CNTNAP5: variants seen among roughly 807,000 people sequenced by gnomAD.
The protein encoded by CNTNAP5 is contactin associated protein family member 5.
CNTNAP5 carries 72 observed loss-of-function variants against 150.2 expected under a neutral mutation model. The observed-to-expected ratio is 0.48, with a 90% CI of 0.40 to 0.58. The LOEUF (loss-of-function observed/expected upper bound fraction) is 0.58. Among genes scored for constraint, CNTNAP5 ranks in the 20% least tolerant of loss-of-function variants. The probability of loss-of-function intolerance (pLI) is 0.00; values close to 1 mark genes in which losing one functional copy is unlikely to be tolerated. For missense variants in CNTNAP5, 1,636 were observed against 1,626.2 expected (o/e 1.01, Z -0.10); for synonymous variants, 672 against 619.8 (o/e 1.08, Z -1.25).
intron 12 of CNTNAP5, among the ~76,000 whole-genome samples, chr2:124,617,702 C>T (rs1449251451): frequency 6.6e-6 from 1 of 152,086 alleles, no homozygotes; most frequent in Non-Finnish European, 1.5e-5. Context: ...TATTATCTTT[C>T]TGGTGACAAA....
intron 13 of CNTNAP5, among the ~76,000 whole-genome samples, chr2:124,674,484 CCCTCTCTA>C (rs1323933130): frequency 7.8e-6 from 1 of 128,924 alleles, no homozygotes; most frequent in African/African-American, 2.9e-5. Context: ...CTCCCTCTCT[CCCTCTCTA>C]CTTCCTTTCT....
chr2:124,529,462 C>T (rs141035152), intron 10 of CNTNAP5, among the ~76,000 whole-genome samples: 5 of 152,150 alleles, frequency 3.3e-5, no homozygotes, highest in Middle Eastern at 3.4e-3. Context: ...TGTTTAGTTT[C>T]GTGAGTAAGT....
chr2:124,790,552 T>A (rs1225960328), intron 18 of CNTNAP5, among the ~76,000 whole-genome samples: 1 of 152,210 alleles, frequency 6.6e-6, no homozygotes, highest in Non-Finnish European at 1.5e-5. Flanking sequence ...AATTATTTTT[T>A]ACAACAAAGA....
chr2:124,707,039 A>AGG (rs1679681507), intron 13 of CNTNAP5, among the ~76,000 whole-genome samples: 2 of 81,932 alleles, frequency 2.4e-5, no homozygotes, highest in Non-Finnish European at 5.0e-5. Flanking sequence ...GAAGAAGAAG[A>AGG]AGGAGGAGGA....
At chr2:124,140,055 C>G in intron 1 of CNTNAP5, among the ~76,000 whole-genome samples, 1 of 151,994 alleles carries the variant, frequency 6.6e-6, no homozygotes, top group African/African-American at 2.4e-5. Flanking sequence ...CGGGTCACTC[C>G]CACCCGAATA....
chr2:124,277,792 C>A (rs954688736), intron 3 of CNTNAP5, among the ~76,000 whole-genome samples: 1 of 152,110 alleles, frequency 6.6e-6, no homozygotes, highest in Non-Finnish European at 1.5e-5. Flanking sequence ...ATAGGGCAAA[C>A]ATCAAGAAAC....
At chr2:124,070,422 A>G (rs866518134) in intron 1 of CNTNAP5, among the ~76,000 whole-genome samples, 34 of 148,222 alleles carry the variant, frequency 2.3e-4, no homozygotes, top group African/African-American at 8.2e-4. Flanking sequence ...AAAAAAAAGC[A>G]AGACCCAAGT....
chr2:124,424,885 G>GA (rs1328405352), intron 4 of CNTNAP5, among the ~76,000 whole-genome samples: 3 of 151,948 alleles, frequency 2.0e-5, no homozygotes, highest in East Asian at 1.9e-4. Context: ...TTGCAAAGGA[G>GA]AAAAAAAATA....
chr2:124,167,770 T>C (rs991916748), intron 1 of CNTNAP5, among the ~76,000 whole-genome samples: 3 of 152,160 alleles, frequency 2.0e-5, no homozygotes, highest in Admixed American at 1.3e-4. Context: ...AAAGGTCACA[T>C]ATACAAAGAA....
chr2:124,856,003 G>T (rs1054972282), intron 19 of CNTNAP5, among the ~76,000 whole-genome samples: 1 of 151,464 alleles, frequency 6.6e-6, no homozygotes, highest in South Asian at 2.1e-4. Context: ...TTAGAATAAG[G>T]GTCTCCAGTT....
chr2:124,548,196 T>C (rs1371104459), intron 10 of CNTNAP5, among the ~76,000 whole-genome samples: 3 of 152,216 alleles, frequency 2.0e-5, no homozygotes, highest in South Asian at 2.1e-4. Flanking sequence ...GTAAGGGTCG[T>C]GACATTTTAG....
chr2:124,901,741 T>A (rs1449237986), intron 21 of CNTNAP5, among the ~76,000 whole-genome samples: 1 of 152,178 alleles, frequency 6.6e-6, no homozygotes, highest in African/African-American at 2.4e-5. Flanking sequence ...CGATTTGATT[T>A]TTTTATGTGA....
intron 1 of CNTNAP5, among the ~76,000 whole-genome samples, chr2:124,195,273 C>A (rs1356427216): frequency 6.6e-6 from 1 of 152,136 alleles, no homozygotes; most frequent in Non-Finnish European, 1.5e-5. Context: ...AGAGAGCGTG[C>A]ATCCTGGAGA....
intron 1 of CNTNAP5, among the ~76,000 whole-genome samples, chr2:124,084,080 C>T (rs933262704): frequency 6.6e-6 from 1 of 152,000 alleles, no homozygotes; most frequent in African/African-American, 2.4e-5. Flanking sequence ...TAGTTTTTAG[C>T]ATAAAAGCCC....
chr2:124,674,523 C>CTT (rs1315603907), intron 13 of CNTNAP5, among the ~76,000 whole-genome samples: 1 of 118,724 alleles, frequency 8.4e-6, no homozygotes, highest in Admixed American at 1.0e-4. Context: ...TTCTTTCTTT[C>CTT]TTTCTTTCTT....
chr2:124,083,854 A>C (rs1002169633), intron 1 of CNTNAP5, among the ~76,000 whole-genome samples: 2 of 151,430 alleles, frequency 1.3e-5, no homozygotes, highest in African/African-American at 4.9e-5. Flanking sequence ...TTCTATAGAA[A>C]TTTTAAAATA....
intron 11 of CNTNAP5, among the ~76,000 whole-genome samples, chr2:124,582,959 A>G (rs571523619): frequency 6.6e-6 from 1 of 152,270 alleles, no homozygotes; most frequent in Non-Finnish European, 1.5e-5. Context: ...TGATAAAATC[A>G]TTTCTTAAAA....
chr2:124,406,884 A>G (rs1367734846), intron 3 of CNTNAP5, among the ~76,000 whole-genome samples: 1 of 152,172 alleles, frequency 6.6e-6, no homozygotes, highest in Non-Finnish European at 1.5e-5. Context: ...TCTGGTAACT[A>G]TCATTCTACT....
intron 1 of CNTNAP5, among the ~76,000 whole-genome samples, chr2:124,211,730 C>T (rs1686018572): frequency 6.6e-6 from 1 of 152,196 alleles, no homozygotes; most frequent in Admixed American, 6.5e-5. Flanking sequence ...GGCCAGTACT[C>T]AACTCAAGCC....
Sources: allele counts gnomAD v4.1 joint callset (sites outside exome capture counted in the v4.1 genomes callset), GRCh38; gene constraint gnomAD v4.1.1; transcripts MANE v1.5; gene names NCBI Gene and HGNC (gene_info 2026-07-23, HGNC 2026-07-21).